Variants in NFATC3 observed in about 807,000 individuals in gnomAD.
NFATC3 encodes the protein nuclear factor of activated T cells 3, also known as nuclear factor of activated T-cells, cytoplasmic 3.
NFATC3 carries 46 observed loss-of-function variants against 98.6 expected under a neutral mutation model. The observed-to-expected ratio is 0.47, with a 90% CI of 0.37 to 0.60. NFATC3 has a LOEUF of 0.60. Among genes scored for constraint, NFATC3 ranks in the 20% least tolerant of loss-of-function variants. The probability of loss-of-function intolerance (pLI) is 0.00; values close to 1 mark genes in which losing one functional copy is unlikely to be tolerated. For missense variants in NFATC3, 1,256 were observed against 1,295.5 expected (o/e 0.97, Z 0.47); for synonymous variants, 512 against 472.2 (o/e 1.08, Z -1.09).
At chr16:68,206,778 A>G (rs73612253) in intron 9 of NFATC3, among the ~76,000 whole-genome samples, 1,990 of 152,150 alleles carry the variant, frequency 0.013, 43 homozygotes, top group African/African-American at 0.045. Context: ...AGCCCAGAAG[A>G]TCAGGACCAG....
chr16:68,171,009 T>C (rs555595669), intron 5 of NFATC3, among the ~76,000 whole-genome samples: 1 of 152,190 alleles, frequency 6.6e-6, no homozygotes, highest in Non-Finnish European at 1.5e-5. Context: ...TTGAACACAT[T>C]TTTATTTTAT....
intron 4 of NFATC3, among the ~76,000 whole-genome samples, chr16:68,161,664 C>T (rs181084401): frequency 3.3e-4 from 50 of 152,290 alleles, no homozygotes; most frequent in African/African-American, 1.2e-3. Context: ...CATAGTCAAG[C>T]CCGTTTACAG....
intron 1 of NFATC3, among the ~76,000 whole-genome samples, chr16:68,121,364 TG>T (rs1298718083): frequency 1.3e-5 from 2 of 149,968 alleles, no homozygotes; most frequent in African/African-American, 4.9e-5. Context: ...ATTATGGATG[TG>T]TTTTTTTTTT....
chr16:68,216,980 A>T (rs1249752453), intron 9 of NFATC3, among the ~76,000 whole-genome samples: 2 of 152,144 alleles, frequency 1.3e-5, no homozygotes, highest in Admixed American at 1.3e-4. Context: ...TGCTGGTGAA[A>T]TTTTTTTATA....
intron 1 of NFATC3, among the ~76,000 whole-genome samples, chr16:68,095,085 G>C (rs1331217402): frequency 6.6e-6 from 1 of 152,148 alleles, no homozygotes; most frequent in Non-Finnish European, 1.5e-5. Context: ...TGGATAGAAG[G>C]ATAGAAAATC....
chr16:68,095,905 A>G (rs1336465050), intron 1 of NFATC3, among the ~76,000 whole-genome samples: 2 of 152,262 alleles, frequency 1.3e-5, no homozygotes, highest in African/African-American at 2.4e-5. Context: ...TTATGCAGAC[A>G]TACAGAAGCA....
intron 1 of NFATC3, chr16:68,088,870 C>A: frequency 2.1e-6 from 1 of 477,802 alleles, no homozygotes; most frequent in Non-Finnish European, 2.7e-6. Context: ...GGAAGTCTCA[C>A]TATGTTGCCC....
intron 9 of NFATC3, among the ~76,000 whole-genome samples, chr16:68,215,517 G>A (rs986863039): frequency 6.6e-6 from 1 of 152,194 alleles, no homozygotes; most frequent in Non-Finnish European, 1.5e-5. Context: ...GGTCACTAAT[G>A]ATCTTGGTAA....
chr16:68,204,429 C>T (rs573397821), intron 9 of NFATC3, among the ~76,000 whole-genome samples: 5 of 152,296 alleles, frequency 3.3e-5, no homozygotes, highest in Middle Eastern at 6.8e-3. Flanking sequence ...TTTTTGAACA[C>T]TGTGCTAGGC....
At chr16:68,121,653 A>T (rs2036588169) in intron 1 of NFATC3, among the ~76,000 whole-genome samples, 1 of 148,608 alleles carries the variant, frequency 6.7e-6, no homozygotes, top group Admixed American at 6.8e-5. Context: ...AGTCTAGGTG[A>T]GAGAGTGAGA....
Position 68,181,492 on chromosome 16 carries a change from G to T in NFATC3, c.1933G>T (p.Glu645Ter). Residue 645 changes from glutamate to a stop codon, truncating the protein, a stop_gained, in exon 7 of 10, where the codon GAG becomes TAG. Transcript: ENST00000346183. LOFTEE classifies it high-confidence loss of function. ...EKGQDGRPQWEVEGKIIREKC... is the reference protein window; with the variant it reads ...EKGQDGRPQW Reference sequence around the variant, plus strand: ...TTCAATAGATGGACGACCTCAGTGGGAGGTAGAAGGGAAGATAATCAGGGA... The same window carrying T: ...TTCAATAGATGGACGACCTCAGTGGTAGGTAGAAGGGAAGATAATCAGGGA... 6.2e-7 allele frequency: 1 copy of T among 1,611,812 alleles called. No homozygotes were observed. The highest frequency in any genetic ancestry group is 8.5e-7 in the Non-Finnish European group (1 of 1,178,172).
intron 9 of NFATC3, among the ~76,000 whole-genome samples, chr16:68,218,996 T>G (rs2041749511): frequency 6.6e-6 from 1 of 151,900 alleles, no homozygotes; most frequent in Non-Finnish European, 1.5e-5. Flanking sequence ...GCCAGCGCTT[T>G]AGGAGGCCGA....
chr16:68,202,812 CAAAAT>C (rs1488397007), intron 9 of NFATC3, among the ~76,000 whole-genome samples: 1 of 150,718 alleles, frequency 6.6e-6, no homozygotes, highest in Non-Finnish European at 1.5e-5. Context: ...AACTCCATCT[CAAAAT>C]AAATAAATAA....
In NFATC3 at chr16:68,229,031, G is replaced by A. The variant is rs1297870048; in HGVS notation, c.*2560G>A. 6.6e-6 allele frequency: 1 copy of A among 152,248 alleles called. No individual in the cohort carries two copies. Among genetic ancestry groups the A allele is most frequent in the Admixed American group, 6.5e-5 (1 of 15,282 alleles). The allele number at this position is 152,248 out of a possible 1,614,324, so 9.4% of individuals were successfully genotyped here. ...ATTCAGAATGGATCTTTAAGGCTCA[G>A]ATGGGCTCAAATTGAAACCTTGTGT... On this transcript the variant is annotated 3_prime_UTR_variant, in exon 10 of 10. Coordinates refer to ENST00000346183, the MANE Select transcript of NFATC3 (RefSeq NM_173165.3).
chr16:68,173,371 A>T (rs932655370), intron 5 of NFATC3, among the ~76,000 whole-genome samples: 6 of 152,126 alleles, frequency 3.9e-5, no homozygotes, highest in Non-Finnish European at 8.8e-5. Flanking sequence ...GTTTGAGAAC[A>T]GCCTGACCAA....
intron 3 of NFATC3, among the ~76,000 whole-genome samples, chr16:68,128,793 C>G (rs2036972114): frequency 6.6e-6 from 1 of 152,038 alleles, no homozygotes; most frequent in Non-Finnish European, 1.5e-5. Flanking sequence ...CCACTGCACT[C>G]TAGCCTGGGC....
At chr16:68,212,702 A>T (rs1471280906) in intron 9 of NFATC3, 1 of 152,078 alleles carries the variant, frequency 6.6e-6, no homozygotes, top group Non-Finnish European at 1.5e-5. Flanking sequence ...TATACAACTA[A>T]TGTTAAAGTC....
Position 68,105,878 on chromosome 16 carries a change from ATTC to A in NFATC3, c.104-16100_104-16098del, listed in dbSNP as rs535978016. Among the ~76,000 whole-genome samples, 554 of 151,868 alleles carry A rather than the reference ATTC, an allele frequency of 3.6e-3. 2 individuals are homozygous for A. Among genetic ancestry groups the A allele is most frequent in the Non-Finnish European group, 5.0e-3 (343 of 67,956 alleles). ...TTGTTGGTGTACGATTGTTCATAGT[ATTC>A]TTCTTCTTTTTTTTTGAGACAGAGT... is the stretch of plus-strand genomic sequence containing the variant. On this transcript the variant is annotated intron_variant, in intron 1 of 9. Coordinates refer to ENST00000346183, the MANE Select transcript of NFATC3 (RefSeq NM_173165.3).
chr16:68,138,566 C>A lies in NFATC3; in HGVS notation c.1401+11956C>A, dbSNP rs758979030. On this transcript the variant is annotated intron_variant, in intron 3 of 9. Transcript: ENST00000346183. ...GTCTTTGATGCACAGCTTCTACTGT[C>A]CATGGGAAAGAAGAAGGTGTATGGA... 8 of 1,288,994 alleles carry A rather than the reference C, an allele frequency of 6.2e-6. No individual in the cohort carries two copies. The African/African-American group carries it at 1.2e-4, about 20-fold the overall frequency. The allele number at this position is 1,288,994 out of a possible 1,614,324, so 79.8% of individuals were successfully genotyped here.
Sources: allele counts gnomAD v4.1 joint callset (sites outside exome capture counted in the v4.1 genomes callset), GRCh38; gene constraint gnomAD v4.1.1; transcripts MANE v1.5; gene names NCBI Gene and HGNC (gene_info 2026-07-23, HGNC 2026-07-21).